Variants in LRMDA observed in about 807,000 individuals in gnomAD.
LRMDA encodes leucine-rich melanocyte differentiation-associated protein.
Under a neutral mutation model 29.8 loss-of-function variants are expected in LRMDA, and 18 were observed. The observed-to-expected ratio is 0.60, with a 90% confidence interval of 0.42 to 0.90. LRMDA has a LOEUF of 0.90. LRMDA is among the 40% of genes least tolerant of loss of function. LRMDA has a pLI of 0.00. For synonymous variants in LRMDA, 125 were observed against 109.4 expected (o/e 1.14, Z -0.89); for missense variants, 273 against 273.9 (o/e 1.00, Z 0.02).
chr10:75,988,247 A>C (rs867932586), intron 2 of LRMDA, among the ~76,000 whole-genome samples: 2 of 152,226 alleles, frequency 1.3e-5, no homozygotes, highest in East Asian at 3.9e-4. Flanking sequence ...CTGGGCAGCT[A>C]TACTGATGGC....
At chr10:76,014,750 A>T (rs1027536566) in intron 2 of LRMDA, among the ~76,000 whole-genome samples, 1 of 152,194 alleles carries the variant, frequency 6.6e-6, no homozygotes, top group Non-Finnish European at 1.5e-5. Context: ...TGCAGGAAAA[A>T]TCTAGAAGGA....
intron 6 of LRMDA, among the ~76,000 whole-genome samples, chr10:76,409,445 G>T (rs1344786939): frequency 6.6e-6 from 1 of 151,936 alleles, no homozygotes; most frequent in Non-Finnish European, 1.5e-5. Flanking sequence ...ATTATATTTT[G>T]TATTCTAAAA....
intron 5 of LRMDA, among the ~76,000 whole-genome samples, chr10:76,096,062 G>A (rs1849307448): frequency 6.6e-6 from 1 of 151,942 alleles, no homozygotes; most frequent in African/African-American, 2.4e-5. Context: ...ATCCCGGTCT[G>A]TATCTTCCTT....
chr10:75,843,783 A>G (rs1056667648), intron 2 of LRMDA, among the ~76,000 whole-genome samples: 1 of 152,206 alleles, frequency 6.6e-6, no homozygotes, highest in East Asian at 1.9e-4. Flanking sequence ...TAAGGTTGTT[A>G]TACTGGTGAA....
At chr10:75,756,914 G>A (rs146387018) in intron 2 of LRMDA, among the ~76,000 whole-genome samples, 6 of 152,260 alleles carry the variant, frequency 3.9e-5, no homozygotes, top group African/African-American at 1.2e-4. Flanking sequence ...AATCATTTAG[G>A]GACTGAGGCC....
At chr10:76,049,356 C>A (rs1320183007) in intron 4 of LRMDA, among the ~76,000 whole-genome samples, 1 of 152,206 alleles carries the variant, frequency 6.6e-6, no homozygotes, top group Admixed American at 6.5e-5. Flanking sequence ...AAATTTACAT[C>A]ATCCACAATG....
chr10:75,717,205 C>T (rs1842511724), intron 2 of LRMDA, among the ~76,000 whole-genome samples: 1 of 152,176 alleles, frequency 6.6e-6, no homozygotes, highest in South Asian at 2.1e-4. Flanking sequence ...TCAGCTGAAG[C>T]CTTGGGGAGT....
At chr10:76,248,994 T>C (rs1852424864) in intron 5 of LRMDA, among the ~76,000 whole-genome samples, 1 of 152,198 alleles carries the variant, frequency 6.6e-6, no homozygotes, top group South Asian at 2.1e-4. Flanking sequence ...CCATGTTCCT[T>C]ACAGCCTAGA....
chr10:76,008,400 CTT>C (rs556888742), intron 2 of LRMDA, among the ~76,000 whole-genome samples: 1 of 149,562 alleles, frequency 6.7e-6, no homozygotes, highest in African/African-American at 2.5e-5. Flanking sequence ...AGTTTAAACA[CTT>C]TTTTTTTTGC....
intron 5 of LRMDA, among the ~76,000 whole-genome samples, chr10:76,285,418 A>C (rs1840259477): frequency 7.5e-6 from 1 of 132,546 alleles, no homozygotes; most frequent in African/African-American, 3.1e-5. Context: ...GTGAGTGGCT[A>C]ATTGTGCTAA....
chr10:75,857,181 CAG>C (rs1844842224), intron 2 of LRMDA, among the ~76,000 whole-genome samples: 1 of 152,178 alleles, frequency 6.6e-6, no homozygotes, highest in African/African-American at 2.4e-5. Context: ...GATTAAATAA[CAG>C]GGAAAAGTCC....
At chr10:75,435,798 A>G (rs1208011755) in intron 1 of LRMDA, among the ~76,000 whole-genome samples, 1 of 152,176 alleles carries the variant, frequency 6.6e-6, no homozygotes, top group Non-Finnish European at 1.5e-5. Flanking sequence ...CTCTTTTCCC[A>G]GGCTCTAACA....
chr10:76,368,626 A>C (rs192747469), intron 6 of LRMDA, among the ~76,000 whole-genome samples: 3 of 152,264 alleles, frequency 2.0e-5, no homozygotes, highest in Non-Finnish European at 2.9e-5. Context: ...CATTTGTTCC[A>C]AGGTATAGTT....
intron 2 of LRMDA, among the ~76,000 whole-genome samples, chr10:75,557,865 CAA>C (rs1407338125): frequency 6.6e-6 from 1 of 152,176 alleles, no homozygotes; most frequent in African/African-American, 2.4e-5. Context: ...TCTGCGTCCT[CAA>C]GAGGTTTCAA....
intron 2 of LRMDA, among the ~76,000 whole-genome samples, chr10:75,807,079 G>T (rs145334051): frequency 2.5e-4 from 38 of 151,896 alleles, no homozygotes; most frequent in Non-Finnish European, 5.0e-4. Context: ...GAATCCCTGT[G>T]GGGGGTGAGT....
At chr10:76,437,115 T>A (rs1372310519) in intron 6 of LRMDA, among the ~76,000 whole-genome samples, 2 of 152,012 alleles carry the variant, frequency 1.3e-5, no homozygotes, top group African/African-American at 4.8e-5. Context: ...TCTAAAAAAA[T>A]AAATAAATAA....
At chr10:76,308,487 C>A (rs1011536163) in intron 5 of LRMDA, among the ~76,000 whole-genome samples, 1 of 152,088 alleles carries the variant, frequency 6.6e-6, no homozygotes, top group East Asian at 1.9e-4. Context: ...CTTCCATGGA[C>A]CGAGACAGGT....
intron 2 of LRMDA, among the ~76,000 whole-genome samples, chr10:75,923,771 C>T (rs1038089252): frequency 2.6e-5 from 4 of 152,166 alleles, no homozygotes; most frequent in African/African-American, 9.7e-5. Context: ...CTGTGTGTGA[C>T]ACCCTTCAGA....
chr10:75,454,485 C>A (rs1281884738), intron 2 of LRMDA, among the ~76,000 whole-genome samples: 1 of 152,152 alleles, frequency 6.6e-6, no homozygotes, highest in East Asian at 1.9e-4. Context: ...TTTTCCGAGT[C>A]CCAACACAGT....
Sources: gnomAD v4.1 joint callset for allele counts (sites outside exome capture counted in the v4.1 genomes callset) on GRCh38, gnomAD v4.1.1 for gene constraint, MANE v1.5 for transcripts, NCBI Gene and HGNC (gene_info 2026-07-23, HGNC 2026-07-21) for gene names.